Variants in GNPDA1 observed in about 807,000 individuals in gnomAD.
GNPDA1 encodes GNPDA 1.
In GNPDA1, 24 loss-of-function variants were observed where a neutral mutation model predicts 28.5. That is an observed-to-expected ratio of 0.84 (90% CI 0.61 to 1.19). GNPDA1 has a LOEUF of 1.19. GNPDA1 is among the 50% of genes most tolerant of loss of function. The probability of loss-of-function intolerance (pLI) is 0.00; values close to 1 mark genes in which losing one functional copy is unlikely to be tolerated. For synonymous variants in GNPDA1, 147 were observed against 139.3 expected, an observed-to-expected ratio of 1.06 and a Z score of -0.39; for missense variants, 264 against 367.3, an observed-to-expected ratio of 0.72 and a Z score of 2.30.
chr5:142,006,438 A>T (rs2127092456), intron 3 of GNPDA1, 112 bp from the exon 4 acceptor site: 1 of 760,628 alleles, frequency 1.3e-6, no homozygotes, highest in Non-Finnish European at 2.1e-6. Context: ...GGGTCTGCCC[A>T]TCTGGGAGCC....
chr5:142,007,073 G>A (rs108593), intron 3 of GNPDA1, among the ~76,000 whole-genome samples: 94,178 of 151,850 alleles, frequency 0.62, 30,378 homozygotes, highest in East Asian at 0.98. Context: ...TCCGTGGCTG[G>A]TGAAGTGGGA....
chr5:142,005,476 T>G (rs748805562), intron 4 of GNPDA1: 14 of 183,058 alleles, frequency 7.6e-5, no homozygotes, highest in Non-Finnish European at 1.2e-4. Flanking sequence ...CTGCCTGTAG[T>G]TAGAGGGTCC....
chr5:142,010,167 T>A (rs2127096908), intron 2 of GNPDA1, among the ~76,000 whole-genome samples: 1 of 150,746 alleles, frequency 6.6e-6, no homozygotes, highest in East Asian at 1.9e-4. Flanking sequence ...CGGCCTTTAT[T>A]TTTTATTTTT....
intron 4 of GNPDA1, 86 bp downstream of exon 4, chr5:142,006,058 A>C (rs767840122): frequency 2.0e-5 from 22 of 1,116,116 alleles, no homozygotes; most frequent in Middle Eastern, 2.9e-4. Context: ...CACCCAGAAG[A>C]AGCTGTCTGC....
rs765148769 is a variant in GNPDA1, at chr5:142,000,751, G to A, written c.*1278C>T. On this transcript the variant is annotated 3_prime_UTR_variant, in exon 7 of 7. Coordinates refer to ENST00000311337, the MANE Select transcript of GNPDA1 (RefSeq NM_005471.5). Reference sequence around the variant, plus strand: ...ATCCATGAGCTTAAAACAGAATGACGGCACAATCACATAGAAAAGCTAAAG... The same window carrying A: ...ATCCATGAGCTTAAAACAGAATGACAGCACAATCACATAGAAAAGCTAAAG... The A allele has an allele frequency of 3.0e-4, 45 of 152,246 alleles. No individual in the cohort carries two copies. The highest frequency in any genetic ancestry group is 4.4e-4 in the Non-Finnish European group (30 of 68,036). The allele number at this position is 152,246 out of a possible 1,614,324, so 9.4% of individuals were successfully genotyped here.
At chr5:142,005,672 G>C (rs1755784885) in intron 4 of GNPDA1, among the ~76,000 whole-genome samples, 1 of 152,118 alleles carries the variant, frequency 6.6e-6, no homozygotes. Context: ...CTCCAGAGGT[G>C]GCGATAGATG....
intron 2 of GNPDA1, 148 bp from the exon 3 acceptor site, chr5:142,008,048 C>T: frequency 1.6e-6 from 1 of 619,898 alleles, no homozygotes; most frequent in Non-Finnish European, 2.9e-6. Flanking sequence ...TGCCATCCAT[C>T]CATTAATTGC....
chr5:142,008,026 T>C, intron 2 of GNPDA1, 126 bp from the exon 3 acceptor site: 1 of 651,882 alleles, frequency 1.5e-6, no homozygotes, highest in Non-Finnish European at 2.8e-6. Flanking sequence ...TACCCAGTAC[T>C]CCAATCCTAA....
At chr5:142,002,969 ATATTTCT>A (rs1198088947) in intron 6 of GNPDA1, 112 bp downstream of exon 6, 9 of 764,162 alleles carry the variant, frequency 1.2e-5, no homozygotes, top group Non-Finnish European at 1.7e-5. Context: ...GTTGGGTTTG[ATATTTCT>A]TAAGATTACA....
At chr5:142,005,342 T>C (rs769301989) in intron 4 of GNPDA1, 2 of 417,352 alleles carry the variant, frequency 4.8e-6, no homozygotes, top group African/African-American at 1.9e-5. Flanking sequence ...CTCCCCATCA[T>C]GTCTATCTGA....
In GNPDA1 at chr5:142,003,462, C is replaced by CG. The variant is rs1755726039; in HGVS notation, c.595-201_595-200insC. ...TCCATCTTATAAGAAAACAGAGCCC[C>CG]AGGGGGTTAAATAACTTGCCCAGGG... On this transcript the variant is annotated intron_variant, in intron 5 of 6. Transcript: ENST00000311337. This position sits in a 1 kb window ranked among gnomAD's most constrained non-coding sequence, Gnocchi z 4.0. Among the ~76,000 whole-genome samples the CG allele has an allele frequency of 1.3e-5, 2 of 152,148 alleles. No individual in the cohort carries two copies. The highest frequency in any genetic ancestry group is 2.9e-5 in the Non-Finnish European group (2 of 68,030).
chr5:142,003,314 A>G lies in GNPDA1; in HGVS notation c.595-52T>C. The G allele has an allele frequency of 1.6e-6, 2 of 1,215,960 alleles. No homozygotes were observed. Among genetic ancestry groups the G allele is most frequent in the Non-Finnish European group, 2.4e-6 (2 of 838,856 alleles). The allele number at this position is 1,215,960 out of a possible 1,614,324, so 75.3% of individuals were successfully genotyped here. ...TGGAGGGGAGCATTCCAGACACCCT[A>G]AACAGTTGTAAGGATGATTGTTTTT... On this transcript the variant is annotated intron_variant, in intron 5 of 6. Coordinates refer to ENST00000311337, the MANE Select transcript of GNPDA1 (RefSeq NM_005471.5). The surrounding 1 kb of genome is among the most constrained non-coding windows in gnomAD (Gnocchi z 4.0).
chr5:142,001,833 GAT>G lies in GNPDA1; in HGVS notation c.*194_*195del, dbSNP rs1212342367. 2.0e-5 allele frequency: 8 copies of G among 401,882 alleles called. No individual in the cohort carries two copies. The highest frequency in any genetic ancestry group is 3.1e-5 in the Non-Finnish European group (7 of 226,936). 24.9% of individuals were successfully genotyped at this position (401,882 alleles called of 1,614,324 possible). Reference sequence around the variant, plus strand: ...TACATTTTGCAGATATTTTTTTTCTGATTAAGTTACAAACATTCTCCCTATAG... The same window carrying G: ...TACATTTTGCAGATATTTTTTTTCTGTAAGTTACAAACATTCTCCCTATAG... On this transcript the variant is annotated 3_prime_UTR_variant, in exon 7 of 7. Coordinates refer to ENST00000311337, the MANE Select transcript of GNPDA1 (RefSeq NM_005471.5).
chr5:142,008,710 G>C (rs1596738455), intron 2 of GNPDA1, among the ~76,000 whole-genome samples: 1 of 150,702 alleles, frequency 6.6e-6, no homozygotes, highest in African/African-American at 2.4e-5. Flanking sequence ...CTGGCCAATA[G>C]AGCCAGACTC....
chr5:142,010,374 G>T (rs895232116), intron 2 of GNPDA1, among the ~76,000 whole-genome samples: 1 of 151,948 alleles, frequency 6.6e-6, no homozygotes, highest in Admixed American at 6.6e-5. Context: ...GGCCAGGCTG[G>T]TCTCAAATTC....
In GNPDA1 at chr5:142,006,375, C is replaced by G. The variant is rs549794633; in HGVS notation, c.227-49G>C. On this transcript the variant is annotated intron_variant, in intron 3 of 6. Transcript: ENST00000311337. ...TTATGCCTAGGCCAAGCCAAAGCCCCTCTCCTAAGAAGGATGCCAGGACAC... is the reference window on the plus strand; with the variant it reads ...TTATGCCTAGGCCAAGCCAAAGCCCGTCTCCTAAGAAGGATGCCAGGACAC... The G allele has an allele frequency of 4.1e-5, 58 of 1,418,870 alleles. No homozygotes were observed. In the South Asian group the frequency reaches 6.4e-4, roughly 16 times the overall value. The allele number at this position is 1,418,870 out of a possible 1,614,324, so 87.9% of individuals were successfully genotyped here. A position where few individuals can be genotyped will look rare whatever the true frequency, so the allele number is the denominator to read the frequency against.
chr5:142,001,906 AG>A lies in GNPDA1; in HGVS notation c.*122del. 2.1e-6 allele frequency: 1 copy of A among 483,772 alleles called. No individual in the cohort carries two copies. Among genetic ancestry groups the A allele is most frequent in the Admixed American group, 3.9e-5 (1 of 25,556 alleles). 30.0% of individuals were successfully genotyped at this position (483,772 alleles called of 1,614,324 possible). ...CCCAGCCTCATGGCCAAGAACAATA[AG>A]TTCACCCACTTATCTGGAGTAACCA... On this transcript the variant is annotated 3_prime_UTR_variant, in exon 7 of 7. Transcript: ENST00000311337.
At chr5:142,006,384 G>C in intron 3 of GNPDA1, 58 bp from the exon 4 acceptor site, 1 of 1,323,496 alleles carries the variant, frequency 7.6e-7, no homozygotes, top group Non-Finnish European at 1.1e-6. Context: ...CCTCTCCTAA[G>C]AAGGATGCCA....
At chr5:142,011,827 T>G (rs748147169) in intron 2 of GNPDA1, 85 bp downstream of exon 2, 5 of 1,516,320 alleles carry the variant, frequency 3.3e-6, no homozygotes, top group Non-Finnish European at 4.6e-6. Context: ...GTGAAGTCCC[T>G]TGGCTGAGTG....
Sources: allele counts gnomAD v4.1 joint callset (sites outside exome capture counted in the v4.1 genomes callset), GRCh38; gene constraint gnomAD v4.1.1; non-coding constraint Gnocchi (gnomAD v3.1); transcripts MANE v1.5; gene names NCBI Gene and HGNC (gene_info 2026-07-23, HGNC 2026-07-21).